The following INPP4B variants were observed in gnomAD, a reference collection of about 807,000 sequenced individuals.
INPP4B encodes inositol polyphosphate-4-phosphatase type II B.
In INPP4B, 55 loss-of-function variants were observed where a neutral mutation model predicts 122.5. That is an observed-to-expected ratio of 0.45 (90% CI 0.36 to 0.56). The LOEUF is 0.56. Ranked by LOEUF, INPP4B falls within the 20% of genes least tolerant of loss-of-function variation. INPP4B has a pLI of 0.00. For synonymous variants in INPP4B, 403 were observed against 388.7 expected (o/e 1.04, Z -0.43); for missense variants, 1,000 against 1,097.7 (o/e 0.91, Z 1.26).
chr4:142,351,969 T>C (rs565855772), intron 7 of INPP4B, among the ~76,000 whole-genome samples: 2 of 152,110 alleles, frequency 1.3e-5, no homozygotes, highest in African/African-American at 2.4e-5. Flanking sequence ...AAATGTAATA[T>C]AGCTCTCTTT....
At chr4:142,434,747 T>G (rs776700881) in intron 3 of INPP4B, among the ~76,000 whole-genome samples, 8 of 152,100 alleles carry the variant, frequency 5.3e-5, no homozygotes, top group Non-Finnish European at 1.0e-4. Context: ...AGAGACAAGA[T>G]GAGGCCTAGT....
intron 8 of INPP4B, among the ~76,000 whole-genome samples, chr4:142,312,226 G>A (rs542449312): frequency 5.3e-5 from 8 of 152,270 alleles, no homozygotes; most frequent in Non-Finnish European, 1.0e-4. Context: ...AACACGCCTT[G>A]ATGAGGAGCC....
intron 9 of INPP4B, among the ~76,000 whole-genome samples, chr4:142,273,762 A>G (rs1374406642): frequency 6.6e-6 from 1 of 151,886 alleles, no homozygotes. Context: ...TTTCTCCCCA[A>G]AACCATTTTG....
At chr4:142,041,474 T>C (rs1747450477) in intron 25 of INPP4B, among the ~76,000 whole-genome samples, 1 of 151,802 alleles carries the variant, frequency 6.6e-6, no homozygotes, top group South Asian at 2.1e-4. Context: ...AAAAATTAGC[T>C]GGGCTTGGTG....
intron 1 of INPP4B, among the ~76,000 whole-genome samples, chr4:142,805,074 C>T (rs184350375): frequency 3.9e-5 from 6 of 152,110 alleles, no homozygotes; most frequent in South Asian, 4.2e-4. Flanking sequence ...GATAAACAAC[C>T]GAATGGTTAT....
chr4:142,796,268 C>A (rs1333113628), intron 1 of INPP4B, among the ~76,000 whole-genome samples: 1 of 151,804 alleles, frequency 6.6e-6, no homozygotes, highest in East Asian at 1.9e-4. Flanking sequence ...AAGGGCAGAG[C>A]AGAATTTTTG....
At chr4:142,413,182 T>C (rs1804964189) in intron 5 of INPP4B, among the ~76,000 whole-genome samples, 1 of 152,148 alleles carries the variant, frequency 6.6e-6, no homozygotes, top group Non-Finnish European at 1.5e-5. Context: ...TTTTAGTTTG[T>C]TTTCTTCTGT....
intron 2 of INPP4B, among the ~76,000 whole-genome samples, chr4:142,536,836 G>C (rs891109198): frequency 2.0e-5 from 3 of 152,162 alleles, no homozygotes; most frequent in Non-Finnish European, 2.9e-5. Context: ...TCTGTCACCA[G>C]GCTGGAGTGC....
chr4:142,148,578 G>T (rs1167086058), intron 17 of INPP4B, among the ~76,000 whole-genome samples: 1 of 152,296 alleles, frequency 6.6e-6, no homozygotes, highest in African/African-American at 2.4e-5. Context: ...ATAAAGGAAT[G>T]TAAGGGATAG....
chr4:142,646,951 C>T (rs1392075563), intron 2 of INPP4B, among the ~76,000 whole-genome samples: 1 of 152,184 alleles, frequency 6.6e-6, no homozygotes, highest in African/African-American at 2.4e-5. Flanking sequence ...CTAGGTGGCT[C>T]ACCTGTGAGC....
chr4:142,058,642 T>C (rs3775613), intron 25 of INPP4B, among the ~76,000 whole-genome samples: 1 of 152,068 alleles, frequency 6.6e-6, no homozygotes, highest in South Asian at 2.1e-4. Flanking sequence ...TTCAAGACTT[T>C]TAAAAACAAA....
At chr4:142,411,197 A>G (rs544226223) in intron 5 of INPP4B, among the ~76,000 whole-genome samples, 4 of 152,338 alleles carry the variant, frequency 2.6e-5, no homozygotes, top group Admixed American at 6.5e-5. Context: ...TATGTGCTAC[A>G]TGTAAATGGT....
chr4:142,779,565 A>T (rs1774480251), intron 1 of INPP4B, among the ~76,000 whole-genome samples: 1 of 152,086 alleles, frequency 6.6e-6, no homozygotes, highest in African/African-American at 2.4e-5. Flanking sequence ...ATTTTGTACC[A>T]ACATGGTACA....
intron 1 of INPP4B, among the ~76,000 whole-genome samples, chr4:142,755,863 A>G (rs1770431813): frequency 6.6e-6 from 1 of 152,062 alleles, no homozygotes; most frequent in Non-Finnish European, 1.5e-5. Flanking sequence ...GTAGTATAAC[A>G]AACACTAGTA....
intron 25 of INPP4B, among the ~76,000 whole-genome samples, chr4:142,074,557 C>A (rs1769422158): frequency 6.6e-6 from 1 of 152,060 alleles, no homozygotes. Context: ...GGTTTATATA[C>A]ATGGATATAC....
intron 7 of INPP4B, among the ~76,000 whole-genome samples, chr4:142,388,874 C>T (rs1579926397): frequency 2.6e-5 from 4 of 152,144 alleles, no homozygotes; most frequent in African/African-American, 7.2e-5. Context: ...TGCCTTTCAG[C>T]TGTGCCTTAT....
At chr4:142,257,112 T>C (rs1736606976) in intron 11 of INPP4B, among the ~76,000 whole-genome samples, 1 of 152,132 alleles carries the variant, frequency 6.6e-6, no homozygotes, top group Non-Finnish European at 1.5e-5. Context: ...AACCACATGA[T>C]TATCTCAATA....
chr4:142,160,564 G>T lies in INPP4B; in HGVS notation c.1360-3C>A. 6.3e-7 allele frequency: 1 copy of T among 1,588,066 alleles called. No homozygotes were observed. The highest frequency in any genetic ancestry group is 2.3e-5 in the East Asian group (1 of 44,202). On this transcript the variant is annotated splice_polypyrimidine_tract_variant and splice_region_variant and intron_variant, in intron 16 of 25. Coordinates refer to ENST00000262992, the MANE Select transcript of INPP4B (RefSeq NM_001101669.3). Reference sequence around the variant, plus strand: ...AAGGCATGTACAAAAAGCTCTGTCTGGAAAGAAATTGACAAGGATTAGAAA... The same window carrying T: ...AAGGCATGTACAAAAAGCTCTGTCTTGAAAGAAATTGACAAGGATTAGAAA...
At chr4:142,579,661 G>A (rs561191497) in intron 2 of INPP4B, among the ~76,000 whole-genome samples, 45 of 151,750 alleles carry the variant, frequency 3.0e-4, no homozygotes, top group African/African-American at 9.9e-4. Flanking sequence ...TGGGACATTG[G>A]CTTTTTCTCC....
Sources: allele counts gnomAD v4.1 joint callset (sites outside exome capture counted in the v4.1 genomes callset), GRCh38; gene constraint gnomAD v4.1.1; transcripts MANE v1.5; gene names NCBI Gene and HGNC (gene_info 2026-07-23, HGNC 2026-07-21).